KLHL1: variants seen among roughly 807,000 people sequenced by gnomAD.
The protein encoded by KLHL1 is kelch-like protein 1.
Under a neutral mutation model 77.7 loss-of-function variants are expected in KLHL1, and 47 were observed. That is an observed-to-expected ratio of 0.60 (90% CI 0.48 to 0.77). The LOEUF is 0.77. KLHL1 is among the 30% of genes least tolerant of loss of function. The pLI, the probability that KLHL1 is intolerant of heterozygous loss-of-function variation, is 0.00. For synonymous variants in KLHL1, 360 were observed against 325.2 expected, an observed-to-expected ratio of 1.11 and a Z score of -1.15; for missense variants, 925 against 910.8, an observed-to-expected ratio of 1.02 and a Z score of -0.20.
intron 4 of KLHL1, among the ~76,000 whole-genome samples, chr13:69,897,162 A>T (rs1593928369): frequency 6.6e-6 from 1 of 152,090 alleles, no homozygotes; most frequent in African/African-American, 2.4e-5. Context: ...TTTACAGAAA[A>T]CTTTTGATTT....
chr13:70,006,990 T>G (rs915056160), intron 1 of KLHL1, among the ~76,000 whole-genome samples: 8 of 152,026 alleles, frequency 5.3e-5, no homozygotes, highest in African/African-American at 1.9e-4. Context: ...TAAAAGTTGA[T>G]AATATTATTG....
At chr13:70,084,935 T>C (rs536778503) in intron 1 of KLHL1, among the ~76,000 whole-genome samples, 44 of 152,244 alleles carry the variant, frequency 2.9e-4, no homozygotes, top group African/African-American at 9.9e-4. Context: ...ATTCTTCAGG[T>C]ACTTTTTGGA....
chr13:70,011,100 A>C (rs763360479), intron 1 of KLHL1, among the ~76,000 whole-genome samples: 4 of 152,086 alleles, frequency 2.6e-5, no homozygotes, highest in Non-Finnish European at 5.9e-5. Context: ...CAGATCACCC[A>C]ATGACTACCT....
intron 7 of KLHL1, among the ~76,000 whole-genome samples, chr13:69,768,182 C>T (rs1251468137): frequency 6.6e-6 from 1 of 152,086 alleles, no homozygotes; most frequent in African/African-American, 2.4e-5. Flanking sequence ...CTTTAGCTTA[C>T]CAAGCTGCAA....
intron 3 of KLHL1, among the ~76,000 whole-genome samples, chr13:69,952,828 G>A (rs1883753042): frequency 6.6e-6 from 1 of 151,298 alleles, no homozygotes; most frequent in African/African-American, 2.4e-5. Flanking sequence ...ATTTACAGAA[G>A]TCTTAAGAAG....
Position 70,033,434 on chromosome 13 carries a change from T to C in KLHL1, c.498-57632A>G, listed in dbSNP as rs541315646. On this transcript the variant is annotated intron_variant, in intron 1 of 10. Coordinates refer to ENST00000377844, the MANE Select transcript of KLHL1 (RefSeq NM_020866.3). ...CCTCTCCAGTAGCTGGGCCTACAGGTGCCCACCACCACGCCTGGCTAATTT... is the reference window on the plus strand; with the variant it reads ...CCTCTCCAGTAGCTGGGCCTACAGGCGCCCACCACCACGCCTGGCTAATTT... Among the ~76,000 whole-genome samples the C allele has an allele frequency of 3.5e-4, 53 of 150,504 alleles. No individual in the cohort carries two copies. The East Asian group carries it at 4.0e-3, about 11-fold the overall frequency.
chr13:69,896,442 G>A (rs1307465152), intron 4 of KLHL1, among the ~76,000 whole-genome samples: 2 of 151,938 alleles, frequency 1.3e-5, no homozygotes, highest in East Asian at 1.9e-4. Flanking sequence ...CTTGGCAGAC[G>A]GGAGAATCTT....
At chr13:69,844,076 A>G (rs1879365256) in intron 5 of KLHL1, among the ~76,000 whole-genome samples, 1 of 151,622 alleles carries the variant, frequency 6.6e-6, no homozygotes, top group East Asian at 1.9e-4. Flanking sequence ...GGATAATTAT[A>G]AAAGAAAAAA....
chr13:69,903,012 T>C (rs540881097), intron 4 of KLHL1, among the ~76,000 whole-genome samples: 1 of 152,210 alleles, frequency 6.6e-6, no homozygotes, highest in South Asian at 2.1e-4. Flanking sequence ...GTGTGCCTTA[T>C]CATTTTAAAA....
intron 2 of KLHL1, among the ~76,000 whole-genome samples, chr13:69,974,361 C>A (rs1054554451): frequency 4.0e-5 from 6 of 151,132 alleles, no homozygotes; most frequent in South Asian, 2.1e-4. Flanking sequence ...ATTTTGATTT[C>A]TCATCCAATA....
chr13:69,779,882 C>T (rs969272022), intron 7 of KLHL1, among the ~76,000 whole-genome samples: 2 of 152,086 alleles, frequency 1.3e-5, no homozygotes, highest in Non-Finnish European at 2.9e-5. Context: ...GCGATCTCGG[C>T]TCACTGCAAC....
intron 1 of KLHL1, among the ~76,000 whole-genome samples, chr13:70,031,069 C>G (rs964278529): frequency 3.9e-5 from 6 of 151,938 alleles, no homozygotes; most frequent in African/African-American, 1.5e-4. Context: ...CTGAATAGAC[C>G]AATAACAGGC....
chr13:69,948,635 A>G (rs1294533966), intron 3 of KLHL1, among the ~76,000 whole-genome samples: 1 of 152,056 alleles, frequency 6.6e-6, no homozygotes, highest in Non-Finnish European at 1.5e-5. Context: ...TCTATAAGAT[A>G]TTTGAATTTA....
At chr13:69,904,299 A>G (rs1311374672) in intron 4 of KLHL1, among the ~76,000 whole-genome samples, 1 of 152,176 alleles carries the variant, frequency 6.6e-6, no homozygotes, top group Non-Finnish European at 1.5e-5. Context: ...AGCTGAAGTT[A>G]TCATTATAAA....
intron 5 of KLHL1, among the ~76,000 whole-genome samples, chr13:69,864,925 AGT>A (rs1880314010): frequency 6.6e-6 from 1 of 152,056 alleles, no homozygotes; most frequent in Non-Finnish European, 1.5e-5. Context: ...TTCTTAGGAA[AGT>A]GAATCTTGAG....
intron 6 of KLHL1, among the ~76,000 whole-genome samples, chr13:69,837,172 G>A (rs1468893149): frequency 6.6e-5 from 10 of 151,522 alleles, no homozygotes; most frequent in Non-Finnish European, 1.5e-5. Flanking sequence ...CCTCACAACG[G>A]CTTTTCTTTC....
At chr13:69,884,832 T>C (rs1046120130) in intron 4 of KLHL1, among the ~76,000 whole-genome samples, 44 of 152,296 alleles carry the variant, frequency 2.9e-4, no homozygotes, top group African/African-American at 1.0e-3. Flanking sequence ...TAGAGTCAAA[T>C]TGAAATCTAT....
intron 4 of KLHL1, among the ~76,000 whole-genome samples, chr13:69,922,463 G>C (rs1485546178): frequency 6.7e-6 from 1 of 148,594 alleles, no homozygotes; most frequent in African/African-American, 2.5e-5. Context: ...TTTATAAAAA[G>C]ACTGTTTGCT....
chr13:69,771,735 T>C (rs923683656), intron 7 of KLHL1, among the ~76,000 whole-genome samples: 2 of 152,164 alleles, frequency 1.3e-5, no homozygotes, highest in Non-Finnish European at 2.9e-5. Flanking sequence ...TTGATCAGAT[T>C]GAATTGTCTT....
Sources: allele counts gnomAD v4.1 joint callset (sites outside exome capture counted in the v4.1 genomes callset), GRCh38; gene constraint gnomAD v4.1.1; transcripts MANE v1.5; gene names NCBI Gene and HGNC (gene_info 2026-07-23, HGNC 2026-07-21).